TXNRD2: variants seen among roughly 807,000 people sequenced by gnomAD.
TXNRD2 encodes thioredoxin reductase 2, also known as thioredoxin reductase 2, mitochondrial.
Under a neutral mutation model 70.8 loss-of-function variants are expected in TXNRD2, and 67 were observed. That is an observed-to-expected ratio of 0.95 (90% CI 0.78 to 1.16). The LOEUF is 1.16. Among genes scored for constraint, TXNRD2 ranks in the 50% most tolerant of loss-of-function variants. The pLI is 0.00. For missense variants in TXNRD2, 644 were observed against 719.9 expected, an observed-to-expected ratio of 0.89 and a Z score of 1.21; for synonymous variants, 301 against 295.8, an observed-to-expected ratio of 1.02 and a Z score of -0.18.
chr22:19,904,349 G>T (rs1322153366), intron 8 of TXNRD2, among the ~76,000 whole-genome samples: 1 of 152,256 alleles, frequency 6.6e-6, no homozygotes, highest in African/African-American at 2.4e-5. Context: ...TTAGTGAAGT[G>T]CACTGTTTAA....
chr22:19,907,536 G>A (rs1940107512), intron 8 of TXNRD2, among the ~76,000 whole-genome samples: 1 of 41,434 alleles, frequency 2.4e-5, no homozygotes, highest in Non-Finnish European at 4.6e-5. Flanking sequence ...TGTGGGCGCC[G>A]TGGGTAGCAG....
chr22:19,927,602 C>T (rs906773501), intron 2 of TXNRD2, among the ~76,000 whole-genome samples: 6 of 138,352 alleles, frequency 4.3e-5, no homozygotes, highest in African/African-American at 1.4e-4. Context: ...TGCAGTGAGC[C>T]GAGATTGCAC....
At chr22:19,919,509 C>T (rs1373358840) in intron 3 of TXNRD2, 34 bp downstream of exon 3, 16 of 1,551,846 alleles carry the variant, frequency 1.0e-5, no homozygotes, top group Non-Finnish European at 1.3e-5. Flanking sequence ...ACCTCCTTCC[C>T]CAGGACACCC....
intron 2 of TXNRD2, among the ~76,000 whole-genome samples, chr22:19,928,146 A>G (rs1019483726): frequency 6.6e-6 from 1 of 151,828 alleles, no homozygotes; most frequent in Non-Finnish European, 1.5e-5. Flanking sequence ...AAAAGAAACT[A>G]CAAAATGCTG....
rs1289412583 is a variant in TXNRD2, at chr22:19,880,719, T to C, written c.1087-2A>G. ...TATGGGTGTCAGCTCAGGCCGCCCC[T>C]TGGGGAAGGCACAGGGGGGCCACGT... On this transcript the variant is annotated splice_acceptor_variant, in intron 12 of 17. Coordinates refer to ENST00000400521, the MANE Select transcript of TXNRD2 (RefSeq NM_006440.5). LOFTEE classifies it high-confidence loss of function. 2.5e-6 allele frequency: 4 copies of C among 1,607,256 alleles called. No individual in the cohort carries two copies. The highest frequency in any genetic ancestry group is 1.4e-5 in the African/African-American group (1 of 71,976).
At chr22:19,877,700 C>T (rs144953246) in intron 16 of TXNRD2, among the ~76,000 whole-genome samples, 16 of 152,316 alleles carry the variant, frequency 1.1e-4, no homozygotes, top group African/African-American at 3.8e-4. Context: ...CCCGGGACCC[C>T]GAAAACACAC....
At position 19,932,455 on chromosome 22, in the gene TXNRD2, G is replaced by A; in HGVS notation, c.104-1357C>T. 14 of 1,606,844 alleles carry A rather than the reference G, an allele frequency of 8.7e-6. No individual in the cohort carries two copies. The South Asian group carries it at 1.4e-4, about 16-fold the overall frequency. ...GTCTACTCTGCAAGCTACTGGCGAG[G>A]AAGGCAGGCAAGGGGCAGCCAAAAA... is the stretch of plus-strand genomic sequence containing the variant. On this transcript the variant is annotated intron_variant, in intron 1 of 17. Coordinates refer to ENST00000400521, the MANE Select transcript of TXNRD2 (RefSeq NM_006440.5).
At chr22:19,932,160 CAAAAAA>C (rs35254160) in intron 1 of TXNRD2, among the ~76,000 whole-genome samples, 1 of 80,988 alleles carries the variant, frequency 1.2e-5, no homozygotes, top group Non-Finnish European at 2.6e-5. Flanking sequence ...GACTCCGTCT[CAAAAAA>C]AAAAAAAAAA....
rs1941337231 is a variant in TXNRD2 at position 19,931,014 on chromosome 22, TATACAGA to T, written c.172+9_172+15del. ...AAAGCTTCGAGGCCTTGCCACGAAGTATACAGAATACATACCCTCCTTGGCACAAGCC... is the reference window on the plus strand; with the variant it reads ...AAAGCTTCGAGGCCTTGCCACGAAGTATACATACCCTCCTTGGCACAAGCC... On this transcript the variant is annotated intron_variant, in intron 2 of 17. Coordinates refer to ENST00000400521, the MANE Select transcript of TXNRD2 (RefSeq NM_006440.5). 1 of 1,612,822 alleles carries T rather than the reference TATACAGA, an allele frequency of 6.2e-7. No homozygotes were observed. Among genetic ancestry groups the T allele is most frequent in the Non-Finnish European group, 8.5e-7 (1 of 1,179,468 alleles).
At chr22:19,897,873 G>A (rs912993473) in intron 10 of TXNRD2, among the ~76,000 whole-genome samples, 166 bp downstream of exon 10, 2 of 152,196 alleles carry the variant, frequency 1.3e-5, no homozygotes, top group Admixed American at 6.5e-5. Flanking sequence ...CGCTCCGGCC[G>A]AGTGTCTGCA....
In TXNRD2 at chr22:19,881,803, C is replaced by T. The variant is rs16984309; in HGVS notation, c.1087-1086G>A. Among the ~76,000 whole-genome samples, 1,106 of 152,294 alleles carry T rather than the reference C, an allele frequency of 7.3e-3. 16 individuals are homozygous for T. The highest frequency in any genetic ancestry group is 0.026 in the African/African-American group (1,062 of 41,550). ...GGTCCACAGGCAGAGGCTGCGCTTGCAGAAATCACTGAGCAGCTGAACCAT... is the reference window on the plus strand; with the variant it reads ...GGTCCACAGGCAGAGGCTGCGCTTGTAGAAATCACTGAGCAGCTGAACCAT... On this transcript the variant is annotated intron_variant, in intron 12 of 17. Coordinates refer to ENST00000400521, the MANE Select transcript of TXNRD2 (RefSeq NM_006440.5).
intron 2 of TXNRD2, among the ~76,000 whole-genome samples, chr22:19,927,681 GAAAGAAAGA>G (rs1218499746): frequency 1.5e-4 from 21 of 142,484 alleles, no homozygotes; most frequent in African/African-American, 4.6e-4. Context: ...AGAAAAGAAA[GAAAGAAAGA>G]AAAGAAAGAA....
intron 12 of TXNRD2, among the ~76,000 whole-genome samples, chr22:19,882,740 C>G (rs940296974): frequency 6.6e-6 from 1 of 152,324 alleles, no homozygotes; most frequent in South Asian, 2.1e-4. Flanking sequence ...CCAAGACTGA[C>G]CACCACAGTC....
chr22:19,915,697 G>A, intron 6 of TXNRD2, 68 bp downstream of exon 6: 1 of 1,423,196 alleles, frequency 7.0e-7, no homozygotes, highest in Non-Finnish European at 9.9e-7. Context: ...GCCAAACACA[G>A]CTGCAGTTGG....
At position 19,899,998 on chromosome 22, in the gene TXNRD2, T is replaced by C. The variant is rs112754771; in HGVS notation, c.663-930A>G. 6.0e-3 allele frequency among the ~76,000 whole-genome samples: 920 copies of C among 152,338 alleles called. 7 individuals carry two copies. The highest frequency in any genetic ancestry group is 0.021 in the African/African-American group (863 of 41,576). On this transcript the variant is annotated intron_variant, in intron 8 of 17. Coordinates refer to ENST00000400521, the MANE Select transcript of TXNRD2 (RefSeq NM_006440.5). ...GTAAGGACGGATAAGCCCAATGTCA[T>C]TGCTAATCCCAGCAGGTACTAATGA...
chr22:19,941,254 A>G (rs1470559183), intron 1 of TXNRD2, among the ~76,000 whole-genome samples: 1 of 151,982 alleles, frequency 6.6e-6, no homozygotes, highest in Non-Finnish European at 1.5e-5. Flanking sequence ...GATTTAGTTA[A>G]CTGTTCTTCA....
chr22:19,885,047 A>G (rs1338373353), intron 11 of TXNRD2, among the ~76,000 whole-genome samples: 2 of 152,130 alleles, frequency 1.3e-5, no homozygotes, highest in Non-Finnish European at 2.9e-5. Context: ...CCAGGGGGTC[A>G]GCACAGCTGC....
intron 16 of TXNRD2, 67 bp from the exon 17 acceptor site, chr22:19,877,301 C>T (rs1234860915): frequency 1.0e-5 from 15 of 1,462,066 alleles, no homozygotes; most frequent in Non-Finnish European, 1.4e-5. Flanking sequence ...GCATCCCACC[C>T]CCGGGAAGAG....
chr22:19,906,486 G>C (rs954330249), intron 8 of TXNRD2, among the ~76,000 whole-genome samples: 4 of 152,258 alleles, frequency 2.6e-5, no homozygotes, highest in Admixed American at 6.5e-5. Flanking sequence ...GCTGGGCGTG[G>C]TGGCGAGCGC....
Sources: allele counts gnomAD v4.1 joint callset (sites outside exome capture counted in the v4.1 genomes callset), GRCh38; gene constraint gnomAD v4.1.1; transcripts MANE v1.5; gene names NCBI Gene and HGNC (gene_info 2026-07-23, HGNC 2026-07-21).